SCUBE2: variants seen among roughly 807,000 people sequenced by gnomAD.
SCUBE2 encodes the protein signal peptide, CUB and EGF-like domain-containing protein 2.
A neutral mutation model predicts 125.9 loss-of-function variants in SCUBE2; 114 were observed. The ratio of observed to expected loss-of-function variants is 0.91; its 90% confidence interval spans 0.78 to 1.06. SCUBE2 has a LOEUF of 1.06. SCUBE2 is among the 50% of genes least tolerant of loss of function. SCUBE2 has a pLI of 0.00. For missense variants in SCUBE2, 1,255 were observed against 1,301.8 expected (o/e 0.96, Z 0.55); for synonymous variants, 459 against 492.9 (o/e 0.93, Z 0.91).
chr11:9,028,050 A>T (rs1003213913), intron 19 of SCUBE2, among the ~76,000 whole-genome samples: 21 of 152,124 alleles, frequency 1.4e-4, no homozygotes, highest in Admixed American at 4.6e-4. Flanking sequence ...TTCATCTTTT[A>T]AAAAAATTAT....
At chr11:9,051,392 C>T (rs796587766) in intron 13 of SCUBE2, among the ~76,000 whole-genome samples, 14 of 152,214 alleles carry the variant, frequency 9.2e-5, no homozygotes, top group African/African-American at 3.4e-4. Flanking sequence ...GCCCGTTTGG[C>T]GAAACGGTGA....
At chr11:9,066,352 C>T (rs753768695) in intron 6 of SCUBE2, among the ~76,000 whole-genome samples, 3 of 152,202 alleles carry the variant, frequency 2.0e-5, no homozygotes, top group Admixed American at 6.5e-5. Flanking sequence ...CAGAAATATA[C>T]GGCCCTGGCT....
chr11:9,030,978 C>T (rs977485627), intron 17 of SCUBE2, 53 bp from the exon 18 acceptor site: 4 of 1,545,026 alleles, frequency 2.6e-6, no homozygotes, highest in Admixed American at 3.7e-5. Flanking sequence ...GACCCTTGCT[C>T]CCCACTCTCC....
In SCUBE2 at chr11:9,091,470, A is replaced by T. The variant is rs767042354; in HGVS notation, c.59T>A (p.Leu20Gln). The change falls in exon 1 of 23, where the codon CTG becomes CAG. Residue 20 changes from leucine to glutamine, a missense_variant. This residue lies in a region of SCUBE2 where 362 missense variants were observed against 323.0 expected (regional missense o/e 1.12). Transcript: ENST00000649792. The surrounding 1 kb of genome is among the most constrained non-coding windows in gnomAD (Gnocchi z 8.5). Reference sequence around the variant, plus strand: ...CAGCAGCAGCAGTGGCGGCAGCAGCAGCAGCAGCAGCAGCACCGCCCAGGC... The same window carrying T: ...CAGCAGCAGCAGTGGCGGCAGCAGCTGCAGCAGCAGCAGCACCGCCCAGGC... Reference protein sequence around the residue: ...GAAWAVLLLLLLLPPLLLLAG... With the variant: ...GAAWAVLLLLQLLPPLLLLAG... 4.3e-5 allele frequency: 55 copies of T among 1,267,948 alleles called. No individual in the cohort carries two copies. In the South Asian group the frequency reaches 9.9e-4, roughly 23 times the overall value. 78.5% of individuals were successfully genotyped at this position (1,267,948 alleles called of 1,614,324 possible). A position where few individuals can be genotyped will look rare whatever the true frequency, so the allele number is the denominator to read the frequency against.
At chr11:9,088,557 G>T (rs1401661260) in intron 2 of SCUBE2, among the ~76,000 whole-genome samples, 1 of 152,226 alleles carries the variant, frequency 6.6e-6, no homozygotes, top group East Asian at 1.9e-4. Context: ...AGTGGAAAGA[G>T]ACTTGGAAGG....
chr11:9,028,933 A>G (rs1350762948), intron 19 of SCUBE2, among the ~76,000 whole-genome samples: 1 of 152,238 alleles, frequency 6.6e-6, no homozygotes, highest in East Asian at 1.9e-4. Flanking sequence ...AAGAGACTAG[A>G]TGGAAGGCTA....
rs749708596 is a variant in SCUBE2, at chr11:9,053,163, G to A, written c.1383C>T (p.Cys461=). ...ACCCGTCTCCTCCACCACTCTTACC[G>A]CAGTGCAGGGACACACGGGGTGACA... is the stretch of plus-strand genomic sequence containing the variant. ...TSVSPRVSLH[C]GKSGGGDGCF... is the part of the protein sequence containing the mutation. The change falls in exon 12 of 23, where the codon TGC becomes TGT. Residue 461 remains cysteine (C), a synonymous_variant. Coordinates refer to ENST00000649792, the MANE Select transcript of SCUBE2 (RefSeq NM_001367977.2). 3.7e-5 allele frequency: 60 copies of A among 1,614,084 alleles called. No individual in the cohort carries two copies. The highest frequency in any genetic ancestry group is 2.6e-4 in the South Asian group (24 of 91,082).
intron 2 of SCUBE2, among the ~76,000 whole-genome samples, chr11:9,080,512 G>A: frequency 6.6e-6 from 1 of 152,002 alleles, no homozygotes; most frequent in Non-Finnish European, 1.5e-5. Flanking sequence ...TTAGCCAGAT[G>A]TGGTGGTGCA....
intron 16 of SCUBE2, among the ~76,000 whole-genome samples, chr11:9,045,586 C>T (rs1857619041): frequency 6.8e-6 from 1 of 147,158 alleles, no homozygotes; most frequent in Admixed American, 7.0e-5. Flanking sequence ...ATCAAATAGA[C>T]CAGGACTAGA....
intron 2 of SCUBE2, among the ~76,000 whole-genome samples, chr11:9,084,810 C>A (rs1038898343): frequency 1.3e-5 from 2 of 152,222 alleles, no homozygotes; most frequent in Admixed American, 6.5e-5. Flanking sequence ...GTGGTGCCAT[C>A]ATAGCTCACT....
At chr11:9,041,339 C>T (rs182892631) in intron 16 of SCUBE2, among the ~76,000 whole-genome samples, 3 of 152,222 alleles carry the variant, frequency 2.0e-5, no homozygotes, top group Admixed American at 6.5e-5. Context: ...GAATCGCCAG[C>T]ATGTGGTGGT....
At chr11:9,051,228 A>AT (rs1269918201) in intron 13 of SCUBE2, among the ~76,000 whole-genome samples, 10 of 149,928 alleles carry the variant, frequency 6.7e-5, no homozygotes, top group South Asian at 2.1e-4. Flanking sequence ...CTATCTATCT[A>AT]CCTACCTACC....
intron 22 of SCUBE2, among the ~76,000 whole-genome samples, chr11:9,021,614 G>A (rs1855299366): frequency 6.6e-6 from 1 of 152,192 alleles, no homozygotes; most frequent in South Asian, 2.1e-4. Context: ...ATTATTTGCT[G>A]TTGGTTTGGA....
intron 16 of SCUBE2, among the ~76,000 whole-genome samples, chr11:9,046,556 C>T (rs572896869): frequency 1.3e-5 from 2 of 152,126 alleles, no homozygotes; most frequent in African/African-American, 4.8e-5. Flanking sequence ...GCAGTGTAAC[C>T]CTGAGAGGCC....
At chr11:9,069,006 G>A (rs994532399) in intron 5 of SCUBE2, among the ~76,000 whole-genome samples, 6 of 152,174 alleles carry the variant, frequency 3.9e-5, no homozygotes, top group South Asian at 2.1e-4. Flanking sequence ...TAGTGTCTGC[G>A]GAAAGGAGGC....
intron 19 of SCUBE2, among the ~76,000 whole-genome samples, chr11:9,028,209 T>C (rs1855962692): frequency 9.3e-6 from 1 of 107,812 alleles, no homozygotes; most frequent in Non-Finnish European, 2.0e-5. Context: ...TAATTTTTTT[T>C]CCTCATTTTT....
Position 9,050,592 on chromosome 11 carries a change from A to T in SCUBE2, c.1639+14T>A. On this transcript the variant is annotated intron_variant, in intron 14 of 22. Coordinates refer to ENST00000649792, the MANE Select transcript of SCUBE2 (RefSeq NM_001367977.2). ...TGCAGGCAAGCTCCCTACACCAACC[A>T]CCTGATTCCATACCTGGTAGTGCTG... The T allele has an allele frequency of 6.2e-7, 1 of 1,606,506 alleles. No homozygotes were observed. Among genetic ancestry groups the T allele is most frequent in the African/African-American group, 1.3e-5 (1 of 74,870 alleles).
chr11:9,030,112 A>G, intron 18 of SCUBE2, 67 bp from the exon 19 acceptor site: 3 of 1,529,166 alleles, frequency 2.0e-6, no homozygotes, highest in Admixed American at 4.0e-5. Context: ...ATGCAGCACA[A>G]AGATTTTAAA....
At position 9,074,578 on chromosome 11, in the gene SCUBE2, C is replaced by T; in HGVS notation, c.420G>A (p.Gln140=). ...DECLENNGGC[Q]HTCVNVMGSY... ...TCCCCATGACGTTGACACAGGTATG[C>T]TGGCAGCCGCCATTGTTCTCCAGGC... Residue 140 remains glutamine (Q), a synonymous_variant, in exon 4 of 23, where the codon CAG becomes CAA. Transcript: ENST00000649792. 2 of 1,614,212 alleles carry T rather than the reference C, an allele frequency of 1.2e-6. No individual in the cohort carries two copies. The highest frequency in any genetic ancestry group is 1.7e-6 in the Non-Finnish European group (2 of 1,180,030).
Sources: allele counts gnomAD v4.1 joint callset (sites outside exome capture counted in the v4.1 genomes callset), GRCh38; gene constraint gnomAD v4.1.1; regional missense constraint gnomAD v4.1.1; non-coding constraint Gnocchi (gnomAD v3.1); transcripts MANE v1.5; gene names NCBI Gene and HGNC (gene_info 2026-07-23, HGNC 2026-07-21).